ANO1: variants seen among roughly 807,000 people sequenced by gnomAD.
ANO1 encodes anoctamin 1.
ANO1 carries 59 observed loss-of-function variants against 124.0 expected under a neutral mutation model. That is an observed-to-expected ratio of 0.48 (90% CI 0.39 to 0.59). The LOEUF is 0.59. Ranked by LOEUF, ANO1 falls within the 20% of genes least tolerant of loss-of-function variation. The pLI is 0.00. For missense variants in ANO1, 1,059 were observed against 1,328.0 expected (o/e 0.80, Z 3.15); for synonymous variants, 529 against 532.0 (o/e 0.99, Z 0.08).
intron 7 of ANO1, 65 bp from the exon 8 acceptor site, chr11:70,116,393 T>G: frequency 6.8e-7 from 1 of 1,459,978 alleles, no homozygotes; most frequent in Middle Eastern, 1.7e-4. Context: ...TGAAACATAA[T>G]GGATGTGAGC....
chr11:70,188,167 T>C lies in ANO1; in HGVS notation c.*163T>C. Reference sequence around the variant, plus strand: ...AGGACATTTTCCTTTCTTCTTTCTGTTTTCTTTCCCTTGTTTTTGCACAAA... The same window carrying C: ...AGGACATTTTCCTTTCTTCTTTCTGCTTTCTTTCCCTTGTTTTTGCACAAA... On this transcript the variant is annotated 3_prime_UTR_variant, in exon 26 of 26. Transcript: ENST00000355303. 3 of 847,384 alleles carry C rather than the reference T, an allele frequency of 3.5e-6. No individual in the cohort carries two copies. In the South Asian group the frequency reaches 5.5e-5, roughly 16 times the overall value. The allele number at this position is 847,384 out of a possible 1,614,324, so 52.5% of individuals were successfully genotyped here.
At chr11:70,173,174 C>T (rs2048540128) in intron 22 of ANO1, among the ~76,000 whole-genome samples, 2 of 152,182 alleles carry the variant, frequency 1.3e-5, no homozygotes, top group Non-Finnish European at 2.9e-5. Flanking sequence ...GTCATTTTCA[C>T]AGGTCAAAGA....
chr11:70,091,734 G>C (rs10898153), intron 2 of ANO1, among the ~76,000 whole-genome samples: 86,906 of 152,004 alleles, frequency 0.57, 25,004 homozygotes, highest in East Asian at 0.71. Context: ...CTTTGTTCCT[G>C]GGGCGCCGGT....
chr11:70,046,767 G>T (rs1857265891), intron 1 of ANO1, among the ~76,000 whole-genome samples: 1 of 152,138 alleles, frequency 6.6e-6, no homozygotes, highest in East Asian at 1.9e-4. Flanking sequence ...TGTAAAATGG[G>T]ATCCTGGAAA....
intron 1 of ANO1, among the ~76,000 whole-genome samples, chr11:70,004,772 A>G (rs1856453144): frequency 6.6e-6 from 1 of 152,166 alleles, no homozygotes; most frequent in South Asian, 2.1e-4. Flanking sequence ...AGTGAGGTTG[A>G]TTTACACTAG....
chr11:70,058,999 C>T (rs1294669279), intron 1 of ANO1, among the ~76,000 whole-genome samples: 3 of 150,864 alleles, frequency 2.0e-5, no homozygotes, highest in African/African-American at 7.3e-5. Flanking sequence ...CTGGCTAACA[C>T]GGTGAAACCC....
At chr11:70,114,552 T>C (rs1255567343) in intron 7 of ANO1, among the ~76,000 whole-genome samples, 2 of 152,230 alleles carry the variant, frequency 1.3e-5, no homozygotes, top group African/African-American at 4.8e-5. Flanking sequence ...TCCTGCATCT[T>C]ACCCCCTTCC....
chr11:70,114,172 C>T (rs545706755), intron 7 of ANO1, among the ~76,000 whole-genome samples: 1 of 152,338 alleles, frequency 6.6e-6, no homozygotes, highest in Admixed American at 6.5e-5. Context: ...GGGGTCTGTT[C>T]CCACCTTAAA....
Position 70,126,215 on chromosome 11 carries a change from C to G in ANO1, c.1097+20C>G. 6.2e-7 allele frequency: 1 copy of G among 1,607,034 alleles called. No homozygotes were observed. The highest frequency in any genetic ancestry group is 1.3e-5 in the African/African-American group (1 of 74,952). On this transcript the variant is annotated intron_variant, in intron 10 of 25. Coordinates refer to ENST00000355303, the MANE Select transcript of ANO1 (RefSeq NM_018043.7). ...CCCCAGGTAGGCGGCAGCCCACCCC[C>G]ACCACCCCGCAGTACACAGAGGAGC...
chr11:70,072,393 C>T (rs541927472), intron 1 of ANO1: 2 of 152,352 alleles, frequency 1.3e-5, no homozygotes, highest in Admixed American at 6.5e-5. Context: ...CGTGAAGGCA[C>T]AATGAAGTGA....
At chr11:70,108,774 C>T (rs1388281818) in intron 6 of ANO1, among the ~76,000 whole-genome samples, 4 of 152,110 alleles carry the variant, frequency 2.6e-5, no homozygotes, top group African/African-American at 9.7e-5. Flanking sequence ...CCAGCCGGGG[C>T]GGCATCTCCA....
At chr11:70,098,372 C>A (rs2045104432) in intron 2 of ANO1, among the ~76,000 whole-genome samples, 1 of 152,178 alleles carries the variant, frequency 6.6e-6, no homozygotes, top group Non-Finnish European at 1.5e-5. Context: ...ACAGCACACA[C>A]CCATGGTTCC....
At position 70,188,910 on chromosome 11, in the gene ANO1, A is replaced by T. The variant is rs1225590963; in HGVS notation, c.*906A>T. On this transcript the variant is annotated 3_prime_UTR_variant, in exon 26 of 26. Coordinates refer to ENST00000355303, the MANE Select transcript of ANO1 (RefSeq NM_018043.7). The stretch of plus-strand genomic sequence containing the variant: ...GGGTTTTTTTTCAAATATCAATTAT[A>T]TGGTAGATTGAGGATTTTTTTTCTG... 6.6e-6 allele frequency: 1 copy of T among 151,730 alleles called. No individual in the cohort carries two copies. Among genetic ancestry groups the T allele is most frequent in the East Asian group, 2.0e-4 (1 of 5,122 alleles). 9.4% of individuals were successfully genotyped at this position (151,730 alleles called of 1,614,324 possible).
At chr11:70,010,718 C>A (rs868914567) in intron 1 of ANO1, among the ~76,000 whole-genome samples, 7 of 152,078 alleles carry the variant, frequency 4.6e-5, no homozygotes, top group Admixed American at 1.3e-4. Flanking sequence ...ACACTCAAAG[C>A]CCCCGCTCCC....
chr11:70,046,172 T>TA (rs1555005614), intron 1 of ANO1, among the ~76,000 whole-genome samples: 2 of 152,222 alleles, frequency 1.3e-5, no homozygotes, highest in African/African-American at 2.4e-5. Context: ...TGCCCAGTGT[T>TA]AGTCTATGTC....
intron 1 of ANO1, among the ~76,000 whole-genome samples, chr11:70,067,518 G>A (rs1469233605): frequency 1.3e-5 from 2 of 152,122 alleles, no homozygotes; most frequent in African/African-American, 2.4e-5. Context: ...AGTAGAGATG[G>A]GGTTTCACCA....
At chr11:70,164,272 G>GA (rs2048168797) in intron 19 of ANO1, among the ~76,000 whole-genome samples, 1 of 152,166 alleles carries the variant, frequency 6.6e-6, no homozygotes, top group Admixed American at 6.6e-5. Flanking sequence ...GAGTCTTCTT[G>GA]AAAAAGACCC....
At chr11:70,149,653 A>AAT (rs1406315353) in intron 11 of ANO1, 57 bp from the exon 12 acceptor site, 3 of 1,520,524 alleles carry the variant, frequency 2.0e-6, no homozygotes, top group Non-Finnish European at 2.7e-6. Context: ...TCTGTCTAAA[A>AAT]AAAAAAAAAA....
In ANO1 at chr11:70,025,416, A is replaced by G. The variant is rs116708050; in HGVS notation, c.58+39250A>G. On this transcript the variant is annotated intron_variant, in intron 1 of 27. Coordinates refer to the ANO1 transcript ENST00000531349. ...GATGGTGGTGGTGGTGACAATGATGACGATGGTGCTGATGGTAATGGTGAT... is the reference window on the plus strand; with the variant it reads ...GATGGTGGTGGTGGTGACAATGATGGCGATGGTGCTGATGGTAATGGTGAT... Among the ~76,000 whole-genome samples, 871 of 151,842 alleles carry G rather than the reference A, an allele frequency of 5.7e-3. 11 individuals carry two copies. Among genetic ancestry groups the G allele is most frequent in the African/African-American group, 0.019 (798 of 41,380 alleles).
Sources: gnomAD v4.1 joint callset for allele counts (sites outside exome capture counted in the v4.1 genomes callset) on GRCh38, gnomAD v4.1.1 for gene constraint, MANE v1.5 for transcripts, NCBI Gene and HGNC (gene_info 2026-07-23, HGNC 2026-07-21) for gene names.